The following PCDH7 variants were observed in gnomAD, a reference collection of about 807,000 sequenced individuals.
The protein encoded by PCDH7 is protocadherin-7.
Under a neutral mutation model 58.9 loss-of-function variants are expected in PCDH7, and 17 were observed. The observed-to-expected ratio is 0.29, with a 90% confidence interval of 0.20 to 0.43. The LOEUF (loss-of-function observed/expected upper bound fraction) is 0.43. Among genes scored for constraint, PCDH7 ranks in the 20% least tolerant of loss-of-function variants. The probability of loss-of-function intolerance (pLI) is 1.00; values close to 1 mark genes in which losing one functional copy is unlikely to be tolerated. For missense variants in PCDH7, 1,274 were observed against 1,441.0 expected, an observed-to-expected ratio of 0.88 and a Z score of 1.88; for synonymous variants, 664 against 616.4, an observed-to-expected ratio of 1.08 and a Z score of -1.14.
At chr4:31,019,280 T>C (rs995323872) in intron 3 of PCDH7, among the ~76,000 whole-genome samples, 1 of 152,184 alleles carries the variant, frequency 6.6e-6, no homozygotes, top group Non-Finnish European at 1.5e-5. Context: ...GTTATATTTA[T>C]TAACATAAGA....
At chr4:30,971,477 C>G (rs1749576898) in intron 3 of PCDH7, among the ~76,000 whole-genome samples, 1 of 152,162 alleles carries the variant, frequency 6.6e-6, no homozygotes, top group South Asian at 2.1e-4. Context: ...TGGTAACTAG[C>G]ATAAATTTGA....
At chr4:30,948,781 C>G (rs1747018314) in intron 2 of PCDH7, among the ~76,000 whole-genome samples, 1 of 151,938 alleles carries the variant, frequency 6.6e-6, no homozygotes, top group Admixed American at 6.6e-5. Flanking sequence ...CAAGGGCTGA[C>G]TAATACTATT....
In PCDH7 at chr4:30,898,418, G is replaced by A. The variant is rs138655369; in HGVS notation, c.71-21735G>A. ...GATAGTCGAGGAGGATACAAAAACA[G>A]GAATGTGAAAGACATCAAGAGAAGG... On this transcript the variant is annotated intron_variant, in intron 1 of 3. Coordinates refer to the PCDH7 transcript ENST00000509759. Among the ~76,000 whole-genome samples, 582 of 152,246 alleles carry A rather than the reference G, an allele frequency of 3.8e-3. 2 individuals carry two copies. Among genetic ancestry groups the A allele is most frequent in the African/African-American group, 0.013 (548 of 41,558 alleles).
chr4:30,805,288 G>A (rs992175558), intron 1 of PCDH7, among the ~76,000 whole-genome samples: 5 of 152,094 alleles, frequency 3.3e-5, no homozygotes, highest in African/African-American at 1.2e-4. Context: ...GAAGGCATAT[G>A]GTAGGGGGTC....
intron 1 of PCDH7, among the ~76,000 whole-genome samples, chr4:30,874,458 C>G (rs1401346325): frequency 1.3e-5 from 2 of 148,706 alleles, no homozygotes; most frequent in Non-Finnish European, 3.0e-5. Flanking sequence ...GCAAACACTG[C>G]ATGTTCTCAC....
chr4:30,919,283 G>A (rs1383077989), intron 1 of PCDH7, among the ~76,000 whole-genome samples: 1 of 150,960 alleles, frequency 6.6e-6, no homozygotes, highest in African/African-American at 2.4e-5. Flanking sequence ...TTCCTTTAAT[G>A]AGCCTAATTT....
At chr4:30,961,435 C>T (rs1748424385) in intron 3 of PCDH7, among the ~76,000 whole-genome samples, 1 of 151,774 alleles carries the variant, frequency 6.6e-6, no homozygotes, top group Non-Finnish European at 1.5e-5. Flanking sequence ...GCCTGTAGTC[C>T]CACCTACTGG....
intron 3 of PCDH7, among the ~76,000 whole-genome samples, chr4:30,962,776 TAAAA>T (rs57257786): frequency 2.8e-5 from 2 of 70,604 alleles, no homozygotes; most frequent in Non-Finnish European, 2.7e-5. Context: ...GACCCAGTCT[TAAAA>T]AAAAAAAAAA....
At chr4:30,925,612 G>GT (rs755340280) in intron 2 of PCDH7, 1 of 152,204 alleles carries the variant, frequency 6.6e-6, no homozygotes, top group Non-Finnish European at 1.5e-5. Flanking sequence ...CTAGTTGCCA[G>GT]TGTCTGACTG....
At chr4:30,828,259 T>C (rs1251073973) in intron 1 of PCDH7, among the ~76,000 whole-genome samples, 1 of 151,266 alleles carries the variant, frequency 6.6e-6, no homozygotes, top group Non-Finnish European at 1.5e-5. Context: ...AAAAAAAATA[T>C]GTTGAAAGCA....
chr4:31,061,709 T>C (rs1441010553), intron 3 of PCDH7, among the ~76,000 whole-genome samples: 7 of 151,720 alleles, frequency 4.6e-5, no homozygotes, highest in African/African-American at 1.7e-4. Context: ...AGATTTTATT[T>C]TCTCCTTTTC....
At chr4:30,801,850 C>A (rs187100383) in intron 1 of PCDH7, among the ~76,000 whole-genome samples, 1 of 152,088 alleles carries the variant, frequency 6.6e-6, no homozygotes, top group Admixed American at 6.5e-5. Context: ...TGACTTAAAT[C>A]CAATTATGTT....
chr4:30,948,400 C>T (rs990299848), intron 2 of PCDH7, among the ~76,000 whole-genome samples: 1 of 151,862 alleles, frequency 6.6e-6, no homozygotes, highest in Non-Finnish European at 1.5e-5. Flanking sequence ...CCCACATTTG[C>T]TTCTTCCAAA....
intron 3 of PCDH7, among the ~76,000 whole-genome samples, chr4:31,125,416 C>T (rs1374446550): frequency 6.6e-6 from 1 of 152,156 alleles, no homozygotes; most frequent in Non-Finnish European, 1.5e-5. Context: ...TCTTCTTCCA[C>T]ATATAGAGGA....
At chr4:30,755,252 A>G (rs2109262775) in intron 1 of PCDH7, among the ~76,000 whole-genome samples, 1 of 152,320 alleles carries the variant, frequency 6.6e-6, no homozygotes, top group East Asian at 1.9e-4. Flanking sequence ...TGTTTGAAAA[A>G]TTACAGATGT....
At chr4:31,098,974 C>T (rs1027572464) in intron 3 of PCDH7, among the ~76,000 whole-genome samples, 10 of 152,148 alleles carry the variant, frequency 6.6e-5, no homozygotes, top group Non-Finnish European at 1.3e-4. Context: ...ACTCCTCTCT[C>T]ATAAAGGCAC....
chr4:31,030,238 C>T lies in PCDH7; in HGVS notation c.*7+80023C>T, dbSNP rs1039716884. Among the ~76,000 whole-genome samples the T allele has an allele frequency of 3.3e-5, 5 of 152,100 alleles. No homozygotes were observed. The East Asian group carries it at 9.6e-4, about 29-fold the overall frequency. Reference sequence around the variant, plus strand: ...ATTCATTTGTCCTATAAGACCTACCCTTGCTGCATCATCTCAGCAATCCTT... The same window carrying T: ...ATTCATTTGTCCTATAAGACCTACCTTTGCTGCATCATCTCAGCAATCCTT... On this transcript the variant is annotated intron_variant, in intron 3 of 3. Transcript: ENST00000509759.
chr4:30,990,226 G>T (rs1430187120), intron 3 of PCDH7, among the ~76,000 whole-genome samples: 1 of 151,682 alleles, frequency 6.6e-6, no homozygotes, highest in Non-Finnish European at 1.5e-5. Flanking sequence ...AACATGCAAT[G>T]ATAGCCTCAA....
intron 1 of PCDH7, among the ~76,000 whole-genome samples, chr4:30,766,590 T>A (rs1170752921): frequency 6.6e-6 from 1 of 152,064 alleles, no homozygotes; most frequent in East Asian, 1.9e-4. Context: ...GGTGTATTTA[T>A]AGGCATCATA....
Sources: gnomAD v4.1 joint callset for allele counts (sites outside exome capture counted in the v4.1 genomes callset) on GRCh38, gnomAD v4.1.1 for gene constraint, MANE v1.5 for transcripts, NCBI Gene and HGNC (gene_info 2026-07-23, HGNC 2026-07-21) for gene names.